INTS11: variants seen among roughly 807,000 people sequenced by gnomAD.
The protein encoded by INTS11 is CPSF3-like protein.
In INTS11, 77 loss-of-function variants were observed where a neutral mutation model predicts 78.6. The observed-to-expected ratio is 0.98, with a 90% CI of 0.81 to 1.18. The LOEUF (loss-of-function observed/expected upper bound fraction) is 1.18. Ranked by LOEUF, INTS11 falls within the 50% of genes most tolerant of loss-of-function variation. The pLI is 0.00. For missense variants in INTS11, 875 were observed against 825.9 expected (o/e 1.06, Z -0.73); for synonymous variants, 441 against 326.9 (o/e 1.35, Z -3.77).
intron 9 of INTS11, 26 bp downstream of exon 9, chr1:1,313,706 C>G: frequency 6.2e-7 from 1 of 1,610,070 alleles, no homozygotes; most frequent in Non-Finnish European, 8.5e-7. Flanking sequence ...TGTGGATGTG[C>G]TGGCCGGCCC....
At chr1:1,321,898 T>TAGC in intron 1 of INTS11, 2 of 1,141,992 alleles carry the variant, frequency 1.8e-6, no homozygotes, top group Non-Finnish European at 2.3e-6. Flanking sequence ...TCCCCTTGAA[T>TAGC]CCCACCCACC....
At chr1:1,323,853 G>GA (rs201255802) in intron 1 of INTS11, among the ~76,000 whole-genome samples, 2,478 of 87,256 alleles carry the variant, frequency 0.028, 242 homozygotes, top group African/African-American at 0.13. Flanking sequence ...AGCAAGACGT[G>GA]AGGAGGCAGA....
intron 1 of INTS11, 129 bp downstream of exon 1, chr1:1,324,452 G>T (rs1643215807): frequency 1.1e-6 from 1 of 937,590 alleles, no homozygotes; most frequent in Non-Finnish European, 1.6e-6. Flanking sequence ...GGCCCGCGCG[G>T]GGAGGAGACC....
At position 1,314,081 on chromosome 1, in the gene INTS11, G is replaced by C. The variant is rs1007945325; in HGVS notation, c.768-160C>G. 1.2e-6 allele frequency: 1 copy of C among 804,304 alleles called. No homozygotes were observed. The highest frequency in any genetic ancestry group is 2.6e-5 in the Admixed American group (1 of 38,718). The allele number at this position is 804,304 out of a possible 1,614,324, so 49.8% of individuals were successfully genotyped here. ...TGTCCCATTAAGCCCTGCAGCAGCC[G>C]GGCTCAGCGGAGAACCAGGAACCCC... On this transcript the variant is annotated intron_variant, in intron 8 of 16. Coordinates refer to ENST00000435064, the MANE Select transcript of INTS11 (RefSeq NM_017871.6). This position sits in a 1 kb window ranked among gnomAD's most constrained non-coding sequence, Gnocchi z 4.2.
In INTS11 at chr1:1,324,132, G is replaced by GA. The variant is rs1643166404; in HGVS notation, c.28+448_28+449insT. ...GGGGGCTGAGGGTCTGCGGGGCTGAGGGGCTGGGGGGCTGGGGGGCTGAGG... is the reference window on the plus strand; with the variant it reads ...GGGGGCTGAGGGTCTGCGGGGCTGAGAGGGCTGGGGGGCTGGGGGGCTGAGG... On this transcript the variant is annotated intron_variant, in intron 1 of 16. Coordinates refer to ENST00000435064, the MANE Select transcript of INTS11 (RefSeq NM_017871.6). 3.9e-5 allele frequency among the ~76,000 whole-genome samples: 3 copies of GA among 77,648 alleles called. 1 individual carries two copies. The East Asian group carries it at 1.1e-3, about 30-fold the overall frequency. 50.9% of individuals were successfully genotyped at this position (77,648 alleles called of 152,430 possible).
rs1445198874 is a variant in INTS11, at chr1:1,312,260, C to G, written c.1573G>C (p.Glu525Gln). The G allele has an allele frequency of 5.2e-6, 8 of 1,549,068 alleles. No homozygotes were observed. Among genetic ancestry groups the G allele is most frequent in the African/African-American group, 1.4e-5 (1 of 73,302 alleles). Residue 525 changes from glutamate to glutamine, a missense_variant, in exon 15 of 17, where the codon GAG becomes CAG. Physicochemically the swap from Glu to Gln is conservative, Grantham distance 29. Coordinates refer to ENST00000435064, the MANE Select transcript of INTS11 (RefSeq NM_017871.6). The part of the protein sequence containing the change: ...VHLHDTRKEQ[E>Q]TALRVYSHLK... ...TGGCTGTAGACGCGCAATGCCGTCT[C>G]CTGCTCCTTGCGTGTGTCATGCAGG... is the stretch of plus-strand genomic sequence containing the variant.
In INTS11 at chr1:1,312,106, G is replaced by C; in HGVS notation, c.1649C>G (p.Ser550Cys). Residue 550 changes from serine (S) to cysteine (C), a missense_variant, in exon 16 of 17, where the codon TCT (serine) becomes TGT (cysteine). Coordinates refer to ENST00000435064, the MANE Select transcript of INTS11 (RefSeq NM_017871.6). ...DHCVQHLPDGSVTVESVLLQA... is the reference protein window; with the variant it reads ...DHCVQHLPDGCVTVESVLLQA... Reference sequence around the variant, plus strand: ...GAGGAGGACGGACTCCACAGTCACAGAGCCGTCTGGGAGGTGCTGCACACA... The same window carrying C: ...GAGGAGGACGGACTCCACAGTCACACAGCCGTCTGGGAGGTGCTGCACACA... 1.3e-6 allele frequency: 2 copies of C among 1,579,664 alleles called. No individual in the cohort carries two copies. Among genetic ancestry groups the C allele is most frequent in the Non-Finnish European group, 1.7e-6 (2 of 1,161,386 alleles).
Position 1,321,113 on chromosome 1 carries a change from T to G in INTS11, c.29-20A>C. 6.3e-7 allele frequency: 1 copy of G among 1,589,764 alleles called. No individual in the cohort carries two copies. The highest frequency in any genetic ancestry group is 8.6e-7 in the Non-Finnish European group (1 of 1,161,948). ...CGGCCCCTACTCGAGGGAGGGCAGA[T>G]GAGTCACTGCTGCGCCCCCCGCCCC... On this transcript the variant is annotated intron_variant, in intron 1 of 16. Coordinates refer to ENST00000435064, the MANE Select transcript of INTS11 (RefSeq NM_017871.6).
rs1482897853 is a variant in INTS11 at position 1,319,470 on chromosome 1, G to C, written c.255C>G (p.Gly85=). 6 of 1,608,428 alleles carry C rather than the reference G, an allele frequency of 3.7e-6. No homozygotes were observed. Among genetic ancestry groups the C allele is most frequent in the Non-Finnish European group, 5.1e-6 (6 of 1,177,082 alleles). The stretch of plus-strand genomic sequence containing the variant: ...GAGTCATGTAGATGGGCCCGTCGTA[G>C]CCCACCATCTCGCTGAAGTAGGGGA... The part of the protein sequence containing the change: ...GALPYFSEMV[G]YDGPIYMTHP... Residue 85 remains glycine (G), a synonymous_variant, in exon 4 of 17, where the codon GGC becomes GGG. Coordinates refer to ENST00000435064, the MANE Select transcript of INTS11 (RefSeq NM_017871.6).
Position 1,313,203 on chromosome 1 carries a change from G to C in INTS11, c.1042-79C>G, listed in dbSNP as rs1029646516. Reference sequence around the variant, plus strand: ...GGCCTTGCCCGGGATGCCCCCGCCTGAACCCCTGGAAGCTGTTTCCACCTG... The same window carrying C: ...GGCCTTGCCCGGGATGCCCCCGCCTCAACCCCTGGAAGCTGTTTCCACCTG... On this transcript the variant is annotated intron_variant, in intron 10 of 16. Coordinates refer to ENST00000435064, the MANE Select transcript of INTS11 (RefSeq NM_017871.6). 36 of 1,463,022 alleles carry C rather than the reference G, an allele frequency of 2.5e-5. No individual in the cohort carries two copies. In the African/African-American group the frequency reaches 4.3e-4, roughly 18 times the overall value. 90.6% of individuals were successfully genotyped at this position (1,463,022 alleles called of 1,614,324 possible).
chr1:1,318,362 T>C (rs1207679207), intron 4 of INTS11, among the ~76,000 whole-genome samples: 1 of 152,180 alleles, frequency 6.6e-6, no homozygotes, highest in Non-Finnish European at 1.5e-5. Flanking sequence ...GGGTTTAAAA[T>C]GTACTGAGGG....
At chr1:1,323,364 T>G (rs542876760) in intron 1 of INTS11, 1 of 1,455,048 alleles carries the variant, frequency 6.9e-7, no homozygotes, top group South Asian at 1.3e-5. Context: ...AGACCCTGGA[T>G]TTTGACTAAT....
In INTS11 at chr1:1,314,672, C is replaced by A; in HGVS notation, c.702+152G>T. On this transcript the variant is annotated intron_variant, in intron 7 of 16. Transcript: ENST00000435064. This position sits in a 1 kb window ranked among gnomAD's most constrained non-coding sequence, Gnocchi z 4.2. ...TAGGAAAGGGTCTCTGAGTTTTCCT[C>A]CTCAATGTTGAGCAAATCTTCTTCC... The A allele has an allele frequency of 9.9e-7, 1 of 1,008,706 alleles. No homozygotes were observed. Among genetic ancestry groups the A allele is most frequent in the African/African-American group, 1.6e-5 (1 of 61,836 alleles). The allele number at this position is 1,008,706 out of a possible 1,614,324, so 62.5% of individuals were successfully genotyped here. A position where few individuals can be genotyped will look rare whatever the true frequency, so the allele number is the denominator to read the frequency against.
chr1:1,319,437 G>C lies in INTS11; in HGVS notation c.288C>G (p.Thr96=). Residue 96 remains threonine, a synonymous_variant, in exon 4 of 17, where the codon ACC becomes ACG. Transcript: ENST00000435064. ...CCAGCAAGATGGGGCAGATGGCCTG[G>C]GTGGGGTGAGTCATGTAGATGGGCC... ...YDGPIYMTHP[T]QAICPILLED... 1 of 1,612,998 alleles carries C rather than the reference G, an allele frequency of 6.2e-7. No homozygotes were observed. The highest frequency in any genetic ancestry group is 8.5e-7 in the Non-Finnish European group (1 of 1,179,812).
At position 1,314,880 on chromosome 1, in the gene INTS11, A is replaced by G; in HGVS notation, c.646T>C (p.Cys216Arg). ...YATTIRDSKR[C>R]RERDFLKKVH... Reference sequence around the variant, plus strand: ...TTCTTCAGGAAGTCTCGCTCCCGGCAGCGCTTGGAGTCACGGATGGTCGTG... The same window carrying G: ...TTCTTCAGGAAGTCTCGCTCCCGGCGGCGCTTGGAGTCACGGATGGTCGTG... The change falls in exon 7 of 17, where the codon TGC becomes CGC. Residue 216 changes from cysteine to arginine, a missense_variant. Transcript: ENST00000435064. This position sits in a 1 kb window ranked among gnomAD's most constrained non-coding sequence, Gnocchi z 4.2. 6.2e-7 allele frequency: 1 copy of G among 1,612,980 alleles called. No individual in the cohort carries two copies. Among genetic ancestry groups the G allele is most frequent in the South Asian group, 1.1e-5 (1 of 91,068 alleles).
chr1:1,314,631 G>T lies in INTS11; in HGVS notation c.702+193C>A. The T allele has an allele frequency of 1.4e-6, 1 of 731,286 alleles. No individual in the cohort carries two copies. The highest frequency in any genetic ancestry group is 2.2e-6 in the Non-Finnish European group (1 of 454,624). 45.3% of individuals were successfully genotyped at this position (731,286 alleles called of 1,614,324 possible). Reference sequence around the variant, plus strand: ...GGCTTCGTCCGCACCTGAGGTAGGAGGGAAAAGGGGCTCCCTAGGAAAGGG... The same window carrying T: ...GGCTTCGTCCGCACCTGAGGTAGGATGGAAAAGGGGCTCCCTAGGAAAGGG... On this transcript the variant is annotated intron_variant, in intron 7 of 16. Coordinates refer to ENST00000435064, the MANE Select transcript of INTS11 (RefSeq NM_017871.6). This position sits in a 1 kb window ranked among gnomAD's most constrained non-coding sequence, Gnocchi z 4.2.
At chr1:1,323,350 T>C (rs1008190285) in intron 1 of INTS11, 48 of 1,497,144 alleles carry the variant, frequency 3.2e-5, no homozygotes, top group African/African-American at 4.2e-5. Flanking sequence ...TCCAGCTGTT[T>C]CTGAGACCCT....
intron 1 of INTS11, chr1:1,323,198 G>A: frequency 6.5e-7 from 1 of 1,550,302 alleles, no homozygotes; most frequent in Non-Finnish European, 8.7e-7. Flanking sequence ...GGGAGGACAT[G>A]GAATCCCGTC....
intron 1 of INTS11, among the ~76,000 whole-genome samples, chr1:1,324,115 AGGGTCTGCGGGGCTGAGGG>A (rs1557647115): frequency 2.3e-3 from 2 of 878 alleles, no homozygotes; most frequent in Non-Finnish European, 4.9e-3. Context: ...TGGGGGGCTG[AGGGTCTGCGGGGCTGAGGG>A]GCTGGGGGGC....
Sources: allele counts gnomAD v4.1 joint callset (sites outside exome capture counted in the v4.1 genomes callset), GRCh38; gene constraint gnomAD v4.1.1; non-coding constraint Gnocchi (gnomAD v3.1); transcripts MANE v1.5; gene names NCBI Gene and HGNC (gene_info 2026-07-23, HGNC 2026-07-21).